ADRA1B: variants seen among roughly 807,000 people sequenced by gnomAD.
The protein encoded by ADRA1B is adrenoceptor alpha 1B.
Under a neutral mutation model 17.9 loss-of-function variants are expected in ADRA1B, and 17 were observed. That is an observed-to-expected ratio of 0.95 (90% CI 0.65 to 1.42). The LOEUF (loss-of-function observed/expected upper bound fraction) is 1.42, where lower values mean the gene tolerates loss of function less well. Ranked by LOEUF, ADRA1B falls within the 40% of genes most tolerant of loss-of-function variation. The pLI is 0.00. For missense variants in ADRA1B, 681 were observed against 722.1 expected, an observed-to-expected ratio of 0.94 and a Z score of 0.65; for synonymous variants, 366 against 327.6, an observed-to-expected ratio of 1.12 and a Z score of -1.27.
upstream of ADRA1B, among the ~76,000 whole-genome samples, chr5:159,912,957 A>C (rs1259381175): frequency 6.6e-6 from 1 of 152,210 alleles, no homozygotes; most frequent in African/African-American, 2.4e-5. Flanking sequence ...GCTTACACAG[A>C]GTACATGCAT....
chr5:159,946,999 T>C (rs992476538), intron 1 of ADRA1B, among the ~76,000 whole-genome samples: 1 of 152,230 alleles, frequency 6.6e-6, no homozygotes, highest in African/African-American at 2.4e-5. Context: ...TTATTTAATC[T>C]TCACAACCCT....
intron 1 of ADRA1B, among the ~76,000 whole-genome samples, chr5:159,968,252 A>G (rs1581072447): frequency 6.6e-6 from 1 of 152,216 alleles, no homozygotes; most frequent in Admixed American, 6.5e-5. Context: ...CCTTCCGATT[A>G]TAATTATTAA....
chr5:159,939,169 T>C (rs1391046365), intron 1 of ADRA1B, among the ~76,000 whole-genome samples: 1 of 151,480 alleles, frequency 6.6e-6, no homozygotes, highest in East Asian at 2.0e-4. Flanking sequence ...GGAATAAACA[T>C]AGAACTCAGA....
At chr5:159,876,799 A>G (rs926448701) in intron 1 of ADRA1B, among the ~76,000 whole-genome samples, 1 of 152,188 alleles carries the variant, frequency 6.6e-6, no homozygotes, top group African/African-American at 2.4e-5. Context: ...TAAAAAGTAA[A>G]GGACGATTTG....
At chr5:159,957,412 G>A (rs1236297086) in intron 1 of ADRA1B, among the ~76,000 whole-genome samples, 3 of 151,534 alleles carry the variant, frequency 2.0e-5, no homozygotes, top group Non-Finnish European at 4.4e-5. Context: ...AGCTGAGGTG[G>A]GAGGATCACT....
At chr5:159,925,778 A>G (rs942490176) in intron 1 of ADRA1B, among the ~76,000 whole-genome samples, 2 of 152,226 alleles carry the variant, frequency 1.3e-5, no homozygotes, top group African/African-American at 4.8e-5. Flanking sequence ...AAAAACGTCC[A>G]TGGCCCCTGT....
At chr5:159,918,259 C>T (rs1273626007) in intron 1 of ADRA1B, among the ~76,000 whole-genome samples, 3 of 152,194 alleles carry the variant, frequency 2.0e-5, no homozygotes, top group Admixed American at 1.3e-4. Flanking sequence ...ACTGCAGACG[C>T]GGCATTTGGG....
At chr5:159,913,453 C>T (rs1186560081), upstream of ADRA1B, among the ~76,000 whole-genome samples, 1 of 152,172 alleles carries the variant, frequency 6.6e-6, no homozygotes, top group Non-Finnish European at 1.5e-5. Flanking sequence ...ACCTGTTCCC[C>T]TTACAGTGAG....
At chr5:159,904,298 G>A (rs186749254) in intron 1 of ADRA1B, among the ~76,000 whole-genome samples, 31 of 152,298 alleles carry the variant, frequency 2.0e-4, no homozygotes, top group Non-Finnish European at 2.9e-4. Context: ...AATGAGGAAA[G>A]GGCTACACAA....
At chr5:159,942,071 C>T (rs1324154797) in intron 1 of ADRA1B, among the ~76,000 whole-genome samples, 1 of 151,852 alleles carries the variant, frequency 6.6e-6, no homozygotes, top group African/African-American at 2.4e-5. Flanking sequence ...TACAGGTGCC[C>T]GCCACCACGC....
chr5:159,909,834 A>T (rs1407218220), intron 1 of ADRA1B, among the ~76,000 whole-genome samples: 2 of 152,224 alleles, frequency 1.3e-5, no homozygotes, highest in African/African-American at 4.8e-5. Flanking sequence ...AACAAAATGG[A>T]AATCAATTGA....
intron 1 of ADRA1B, among the ~76,000 whole-genome samples, chr5:159,956,049 C>T (rs1207132612): frequency 6.6e-6 from 1 of 152,038 alleles, no homozygotes; most frequent in African/African-American, 2.4e-5. Context: ...TTGAGACCAG[C>T]CTGGGCAACT....
At chr5:159,925,105 G>A (rs1334097408) in intron 1 of ADRA1B, among the ~76,000 whole-genome samples, 1 of 152,194 alleles carries the variant, frequency 6.6e-6, no homozygotes, top group Non-Finnish European at 1.5e-5. Context: ...CTCTAATGCA[G>A]GCAGTCAGAT....
chr5:159,965,967 G>T (rs1755770063), intron 1 of ADRA1B, among the ~76,000 whole-genome samples: 1 of 152,138 alleles, frequency 6.6e-6, no homozygotes, highest in African/African-American at 2.4e-5. Context: ...TAAAGACAGG[G>T]TTTTACCATG....
upstream of ADRA1B, chr5:159,916,315 GC>G: frequency 6.6e-6 from 1 of 151,498 alleles, no homozygotes. Context: ...CCCCCGCCCC[GC>G]CCCCCGCAGA....
chr5:159,960,699 C>T (rs1262871232), intron 1 of ADRA1B, among the ~76,000 whole-genome samples: 2 of 146,258 alleles, frequency 1.4e-5, no homozygotes, highest in African/African-American at 5.2e-5. Context: ...ACAGAAAGAC[C>T]CCAGCTCTTA....
intron 1 of ADRA1B, among the ~76,000 whole-genome samples, chr5:159,924,594 C>T (rs1351223755): frequency 3.3e-5 from 5 of 152,154 alleles, no homozygotes; most frequent in African/African-American, 4.8e-5. Context: ...AAGAGCTATG[C>T]CTGTCAGGTC....
chr5:159,973,717 A>G (rs1336023444), downstream of ADRA1B, among the ~76,000 whole-genome samples: 1 of 152,212 alleles, frequency 6.6e-6, no homozygotes, highest in East Asian at 1.9e-4. Flanking sequence ...TTTGGAGTCG[A>G]TAACTTGGGT....
chr5:159,983,911 G>A, the ADRA1B span, among the ~76,000 whole-genome samples: 1 of 151,814 alleles, frequency 6.6e-6, no homozygotes, highest in Non-Finnish European at 1.5e-5. Context: ...CGTTCTTGCT[G>A]CCATCCACTG....
Sources: allele counts gnomAD v4.1 joint callset (sites outside exome capture counted in the v4.1 genomes callset), GRCh38; gene constraint gnomAD v4.1.1; transcripts MANE v1.5; gene names NCBI Gene and HGNC (gene_info 2026-07-23, HGNC 2026-07-21).